Variants in TAOK3 observed in about 807,000 individuals in gnomAD.
The protein encoded by TAOK3 is TAO kinase 3, also known as serine/threonine-protein kinase TAO3.
In TAOK3, 40 loss-of-function variants were observed where a neutral mutation model predicts 120.4. The ratio of observed to expected loss-of-function variants is 0.33; its 90% CI spans 0.26 to 0.43. The LOEUF is 0.43. Ranked by LOEUF, TAOK3 falls within the 20% of genes least tolerant of loss-of-function variation. The pLI, the probability that TAOK3 is intolerant of heterozygous loss-of-function variation, is 1.00. For synonymous variants in TAOK3, 355 were observed against 387.5 expected (o/e 0.92, Z 0.99); for missense variants, 821 against 1,112.1 (o/e 0.74, Z 3.72).
chr12:118,216,180 G>C (rs1290576428), intron 9 of TAOK3, among the ~76,000 whole-genome samples: 1 of 152,152 alleles, frequency 6.6e-6, no homozygotes, highest in Non-Finnish European at 1.5e-5. Flanking sequence ...CTGGGCAACA[G>C]AGTGAGACCC....
At chr12:118,346,061 G>A (rs1442799554) in intron 1 of TAOK3, among the ~76,000 whole-genome samples, 1 of 152,112 alleles carries the variant, frequency 6.6e-6, no homozygotes, top group African/African-American at 2.4e-5. Context: ...CTGAAAGGCT[G>A]TCAAAATATA....
chr12:118,154,755 T>C (rs2034686790), intron 19 of TAOK3, among the ~76,000 whole-genome samples: 1 of 152,148 alleles, frequency 6.6e-6, no homozygotes, highest in African/African-American at 2.4e-5. Flanking sequence ...TAAAAAGTTT[T>C]ATAAGAGTAT....
intron 1 of TAOK3, among the ~76,000 whole-genome samples, chr12:118,345,756 T>A: frequency 6.6e-6 from 1 of 151,622 alleles, no homozygotes; most frequent in Admixed American, 6.6e-5. Context: ...ATGTAGAATC[T>A]CCTTATAACT....
intron 1 of TAOK3, among the ~76,000 whole-genome samples, chr12:118,274,656 T>A (rs1344878046): frequency 6.6e-6 from 1 of 152,166 alleles, no homozygotes; most frequent in Non-Finnish European, 1.5e-5. Flanking sequence ...TTAAAGACAG[T>A]CTCACTCTGT....
intron 2 of TAOK3, among the ~76,000 whole-genome samples, chr12:118,256,824 TTGAC>T (rs2041007702): frequency 6.6e-6 from 1 of 152,130 alleles, no homozygotes; most frequent in African/African-American, 2.4e-5. Context: ...TGTCCTAAAA[TTGAC>T]TGTGGTGATG....
At chr12:118,320,049 T>G (rs2043636116) in intron 1 of TAOK3, among the ~76,000 whole-genome samples, 1 of 152,184 alleles carries the variant, frequency 6.6e-6, no homozygotes, top group Non-Finnish European at 1.5e-5. Flanking sequence ...TGATAGATGT[T>G]ACAGCATGGA....
chr12:118,187,506 C>T (rs990764380), intron 14 of TAOK3, among the ~76,000 whole-genome samples: 7 of 152,092 alleles, frequency 4.6e-5, no homozygotes, highest in Admixed American at 1.3e-4. Context: ...AATTGTAGTA[C>T]TTGGTAATAT....
intron 13 of TAOK3, among the ~76,000 whole-genome samples, chr12:118,193,905 G>A (rs1372739232): frequency 1.3e-5 from 2 of 152,154 alleles, no homozygotes; most frequent in Admixed American, 6.5e-5. Flanking sequence ...AGTAAATGTC[G>A]TTTGAAAAAT....
At chr12:118,289,599 G>T (rs1281728390) in intron 1 of TAOK3, among the ~76,000 whole-genome samples, 1 of 152,076 alleles carries the variant, frequency 6.6e-6, no homozygotes, top group Non-Finnish European at 1.5e-5. Context: ...TACGAACACA[G>T]ATGTTTACAT....
chr12:118,306,387 A>G (rs2043053371), intron 1 of TAOK3, among the ~76,000 whole-genome samples: 1 of 152,036 alleles, frequency 6.6e-6, no homozygotes. Context: ...TATGTTGCCC[A>G]GGCTAGTGTC....
intron 13 of TAOK3, among the ~76,000 whole-genome samples, chr12:118,191,945 A>G (rs975268967): frequency 1.3e-5 from 2 of 152,220 alleles, no homozygotes; most frequent in Non-Finnish European, 2.9e-5. Flanking sequence ...TACCAAGTAC[A>G]TTGATAGAGG....
intron 14 of TAOK3, among the ~76,000 whole-genome samples, chr12:118,184,746 T>C (rs2036969698): frequency 6.6e-6 from 1 of 152,220 alleles, no homozygotes; most frequent in South Asian, 2.1e-4. Flanking sequence ...CTCAAAAATG[T>C]GATCAACTAA....
intron 6 of TAOK3, 31 bp from the exon 7 acceptor site, chr12:118,238,200 A>ATGATCAGT: frequency 7.5e-7 from 1 of 1,341,158 alleles, no homozygotes; most frequent in Non-Finnish European, 1.1e-6. Flanking sequence ...AAGTCAGTAG[A>ATGATCAGT]TGATCAGTTT....
intron 1 of TAOK3, among the ~76,000 whole-genome samples, chr12:118,280,524 T>C (rs913984895): frequency 1.3e-5 from 2 of 152,226 alleles, no homozygotes; most frequent in Non-Finnish European, 2.9e-5. Flanking sequence ...GCATTATTTC[T>C]GGGCTCTCTA....
At chr12:118,316,991 C>T (rs77347090) in intron 1 of TAOK3, among the ~76,000 whole-genome samples, 134 of 152,026 alleles carry the variant, frequency 8.8e-4, no homozygotes, top group African/African-American at 2.9e-3. Context: ...GGGCTGGGCA[C>T]GGTGGCTCAC....
chr12:118,278,893 G>A (rs574420077), intron 1 of TAOK3, among the ~76,000 whole-genome samples: 1 of 152,158 alleles, frequency 6.6e-6, no homozygotes, highest in Non-Finnish European at 1.5e-5. Flanking sequence ...CACAACCTCC[G>A]CCTCCCGGGT....
At chr12:118,219,173 C>T (rs542880553) in intron 9 of TAOK3, among the ~76,000 whole-genome samples, 6 of 152,136 alleles carry the variant, frequency 3.9e-5, no homozygotes, top group African/African-American at 7.2e-5. Context: ...GAACCAAGCT[C>T]GGTGTTTTTC....
At chr12:118,276,750 A>T (rs1489977210) in intron 1 of TAOK3, among the ~76,000 whole-genome samples, 1 of 151,984 alleles carries the variant, frequency 6.6e-6, no homozygotes, top group Non-Finnish European at 1.5e-5. Flanking sequence ...CATGCCTGCA[A>T]TCCCAGCACT....
chr12:118,230,473 T>TG (rs1565983178), intron 9 of TAOK3, among the ~76,000 whole-genome samples: 28 of 128,714 alleles, frequency 2.2e-4, no homozygotes, highest in Non-Finnish European at 3.3e-4. Context: ...TTTTTTTTTT[T>TG]TTTTTTTTTT....
Sources: gnomAD v4.1 joint callset for allele counts (sites outside exome capture counted in the v4.1 genomes callset) on GRCh38, gnomAD v4.1.1 for gene constraint, MANE v1.5 for transcripts, NCBI Gene and HGNC (gene_info 2026-07-23, HGNC 2026-07-21) for gene names.